TRAPPC9: variants seen among roughly 807,000 people sequenced by gnomAD.
TRAPPC9 encodes the protein IKK2 binding protein.
TRAPPC9 carries 83 observed loss-of-function variants against 124.0 expected under a neutral mutation model. That is an observed-to-expected ratio of 0.67 (90% CI 0.56 to 0.80). The LOEUF is 0.80. Among genes scored for constraint, TRAPPC9 ranks in the 30% least tolerant of loss-of-function variants. TRAPPC9 has a pLI of 0.00. For synonymous variants in TRAPPC9, 638 were observed against 617.5 expected, an observed-to-expected ratio of 1.03 and a Z score of -0.49; for missense variants, 1,302 against 1,508.3, an observed-to-expected ratio of 0.86 and a Z score of 2.27.
At chr8:140,156,001 T>C (rs1429220968) in intron 17 of TRAPPC9, among the ~76,000 whole-genome samples, 1 of 152,098 alleles carries the variant, frequency 6.6e-6, no homozygotes, top group Non-Finnish European at 1.5e-5. Flanking sequence ...GGTTTGGAAC[T>C]GGGGGGCCCG....
chr8:139,878,681 G>A (rs920432130), intron 21 of TRAPPC9, among the ~76,000 whole-genome samples: 1 of 152,204 alleles, frequency 6.6e-6, no homozygotes, highest in South Asian at 2.1e-4. Context: ...TTTGAAATTA[G>A]AGGCTGGGCC....
At chr8:140,148,563 G>T (rs1056032982) in intron 17 of TRAPPC9, among the ~76,000 whole-genome samples, 2 of 152,124 alleles carry the variant, frequency 1.3e-5, no homozygotes, top group Non-Finnish European at 2.9e-5. Context: ...AGGGCACCAA[G>T]AACCCCTTTG....
At chr8:140,128,108 C>A (rs759473618) in intron 17 of TRAPPC9, among the ~76,000 whole-genome samples, 1 of 152,236 alleles carries the variant, frequency 6.6e-6, no homozygotes, top group Non-Finnish European at 1.5e-5. Flanking sequence ...TTAGAATTTA[C>A]AATTGTGTTA....
At chr8:140,179,311 C>T (rs2062147491) in intron 17 of TRAPPC9, among the ~76,000 whole-genome samples, 2 of 152,054 alleles carry the variant, frequency 1.3e-5, no homozygotes, top group Non-Finnish European at 2.9e-5. Context: ...TCAAATTACC[C>T]TGTGATTTCT....
intron 17 of TRAPPC9, among the ~76,000 whole-genome samples, chr8:140,203,870 G>C (rs2062853559): frequency 7.7e-6 from 1 of 129,530 alleles, no homozygotes. Context: ...AAGGTATTAA[G>C]CTCCAAAGAC....
chr8:140,285,709 A>T (rs998399257), intron 13 of TRAPPC9, among the ~76,000 whole-genome samples: 2 of 144,954 alleles, frequency 1.4e-5, no homozygotes, highest in African/African-American at 2.6e-5. Context: ...CCCCCTGTGG[A>T]CTCCCCCCAC....
chr8:140,446,293 CAAAAAA>C (rs59393001), intron 2 of TRAPPC9, among the ~76,000 whole-genome samples: 2 of 110,370 alleles, frequency 1.8e-5, no homozygotes, highest in Admixed American at 1.0e-4. Flanking sequence ...GACTCTGTCT[CAAAAAA>C]AAAAAAAAAA....
intron 19 of TRAPPC9, among the ~76,000 whole-genome samples, chr8:139,914,370 G>A (rs756207477): frequency 1.6e-4 from 24 of 152,272 alleles, no homozygotes; most frequent in Non-Finnish European, 3.2e-4. Flanking sequence ...CGAGGGGCAC[G>A]AAGCTGAGAT....
At chr8:139,898,442 A>G (rs1165989424) in intron 20 of TRAPPC9, among the ~76,000 whole-genome samples, 1 of 152,258 alleles carries the variant, frequency 6.6e-6, no homozygotes, top group Non-Finnish European at 1.5e-5. Flanking sequence ...ATGATGCAGA[A>G]GAAACCTGAT....
intron 18 of TRAPPC9, among the ~76,000 whole-genome samples, chr8:140,012,261 A>G (rs1410340950): frequency 6.6e-6 from 1 of 152,248 alleles, no homozygotes; most frequent in Non-Finnish European, 1.5e-5. Flanking sequence ...CAAGGCAGGA[A>G]GTAGAGTTCC....
intron 7 of TRAPPC9, among the ~76,000 whole-genome samples, chr8:140,376,553 TAAAAA>T (rs34319639): frequency 4.0e-5 from 2 of 49,722 alleles, no homozygotes; most frequent in Admixed American, 2.6e-4. Flanking sequence ...AGACTCCATC[TAAAAA>T]AAAAAAAAAA....
At chr8:139,916,804 T>TA (rs1832163125) in intron 19 of TRAPPC9, among the ~76,000 whole-genome samples, 1 of 152,240 alleles carries the variant, frequency 6.6e-6, no homozygotes. Context: ...CAATGACATT[T>TA]AAATACAAAT....
At chr8:140,295,124 C>CA (rs1416687272) in intron 11 of TRAPPC9, among the ~76,000 whole-genome samples, 1 of 152,198 alleles carries the variant, frequency 6.6e-6, no homozygotes, top group African/African-American at 2.4e-5. Context: ...CGGCACCAGG[C>CA]AGTGGCGTTT....
At chr8:140,090,238 T>C (rs1387533565) in intron 17 of TRAPPC9, among the ~76,000 whole-genome samples, 1 of 152,188 alleles carries the variant, frequency 6.6e-6, no homozygotes, top group African/African-American at 2.4e-5. Flanking sequence ...ATTCAGGTTC[T>C]GCCCATAATA....
At chr8:140,053,024 C>T (rs2132096415) in intron 17 of TRAPPC9, among the ~76,000 whole-genome samples, 1 of 152,194 alleles carries the variant, frequency 6.6e-6, no homozygotes, top group East Asian at 1.9e-4. Flanking sequence ...ACTGACACTA[C>T]TAAGTAAAGG....
At chr8:140,262,013 C>G (rs535507823) in intron 15 of TRAPPC9, among the ~76,000 whole-genome samples, 1 of 152,146 alleles carries the variant, frequency 6.6e-6, no homozygotes, top group South Asian at 2.1e-4. Flanking sequence ...AAGACCTGTA[C>G]GTCTATTGTC....
chr8:140,076,330 G>A (rs1391484918), intron 17 of TRAPPC9, among the ~76,000 whole-genome samples: 1 of 152,200 alleles, frequency 6.6e-6, no homozygotes, highest in Non-Finnish European at 1.5e-5. Context: ...TTGCTCGTCA[G>A]TGGGCCTTCG....
At chr8:140,253,545 G>A (rs1447884836) in intron 15 of TRAPPC9, among the ~76,000 whole-genome samples, 1 of 152,084 alleles carries the variant, frequency 6.6e-6, no homozygotes, top group Admixed American at 6.6e-5. Context: ...CAGTGTGGCA[G>A]CGCGCCTCTG....
intron 10 of TRAPPC9, among the ~76,000 whole-genome samples, chr8:140,309,148 T>C (rs1212456645): frequency 6.6e-6 from 1 of 152,230 alleles, no homozygotes; most frequent in South Asian, 2.1e-4. Flanking sequence ...AAAATGTGAA[T>C]GTTACAGTAC....
Sources: allele counts gnomAD v4.1 joint callset (sites outside exome capture counted in the v4.1 genomes callset), GRCh38; gene constraint gnomAD v4.1.1; transcripts MANE v1.5; gene names NCBI Gene and HGNC (gene_info 2026-07-23, HGNC 2026-07-21).